PACS2: variants seen among roughly 807,000 people sequenced by gnomAD.
The protein encoded by PACS2 is phosphofurin acidic cluster sorting protein 2.
A neutral mutation model predicts 113.0 loss-of-function variants in PACS2; 36 were observed. That is an observed-to-expected ratio of 0.32 (90% CI 0.24 to 0.42). The LOEUF (loss-of-function observed/expected upper bound fraction) is 0.42. Ranked by LOEUF, PACS2 falls within the 10% of genes least tolerant of loss-of-function variation. The pLI is 1.00. For synonymous variants in PACS2, 589 were observed against 536.1 expected (o/e 1.10, Z -1.36); for missense variants, 1,015 against 1,239.5 (o/e 0.82, Z 2.72).
chr14:105,356,102 TC>T lies in PACS2; in HGVS notation c.423+930del, dbSNP rs1485790975. 6.6e-6 allele frequency among the ~76,000 whole-genome samples: 1 copy of T among 152,028 alleles called. No individual in the cohort carries two copies. The highest frequency in any genetic ancestry group is 1.5e-5 in the Non-Finnish European group (1 of 67,992). On this transcript the variant is annotated intron_variant, in intron 4 of 24. Coordinates refer to ENST00000447393, the MANE Select transcript of PACS2 (RefSeq NM_001100913.3). This position sits in a 1 kb window ranked among gnomAD's most constrained non-coding sequence, Gnocchi z 4.0. ...CCCAGCCCCTCTTCTTCCCACTTTG[TC>T]CCCCTGCTCCTGGGGCTTGGGGCTG...
intron 6 of PACS2, 116 bp from the exon 7 acceptor site, chr14:105,368,343 G>A (rs1365012274): frequency 2.2e-6 from 2 of 892,536 alleles, no homozygotes; most frequent in East Asian, 2.4e-5. Context: ...GAGAGTCTTG[G>A]GACACAGGTG....
chr14:105,342,859 C>T (rs1201334980), intron 1 of PACS2, among the ~76,000 whole-genome samples: 1 of 150,596 alleles, frequency 6.6e-6, no homozygotes, highest in Non-Finnish European at 1.5e-5. Flanking sequence ...TGCTTGAACC[C>T]GGGAGGCGGA....
chr14:105,312,576 C>T (rs992378917), upstream of PACS2, among the ~76,000 whole-genome samples: 2 of 152,246 alleles, frequency 1.3e-5, no homozygotes, highest in African/African-American at 4.8e-5. Context: ...CACACCATGC[C>T]AGGGTCATAG....
chr14:105,358,571 A>G lies in PACS2; in HGVS notation c.423+3394A>G, dbSNP rs1282814048. On this transcript the variant is annotated intron_variant, in intron 4 of 24. Coordinates refer to ENST00000447393, the MANE Select transcript of PACS2 (RefSeq NM_001100913.3). The surrounding 1 kb of genome is among the most constrained non-coding windows in gnomAD (Gnocchi z 4.9). ...GACGCAGGCATGCCAGCTGGTGGCC[A>G]TTGTCTGAGGCTGGGGCCTGTGGGC... Among the ~76,000 whole-genome samples, 4 of 152,158 alleles carry G rather than the reference A, an allele frequency of 2.6e-5. No individual in the cohort carries two copies. The highest frequency in any genetic ancestry group is 7.2e-5 in the African/African-American group (3 of 41,442).
intron 1 of PACS2, among the ~76,000 whole-genome samples, chr14:105,344,341 C>T (rs1555402178): frequency 1.3e-5 from 2 of 151,888 alleles, no homozygotes; most frequent in South Asian, 2.1e-4. Context: ...CCCAGGCTGG[C>T]GTGCAGTGAT....
intron 4 of PACS2, among the ~76,000 whole-genome samples, chr14:105,359,008 C>T (rs1005342615): frequency 2.0e-5 from 3 of 152,218 alleles, no homozygotes; most frequent in African/African-American, 4.8e-5. Context: ...GCCATCGTAA[C>T]ACCATAGCAC....
chr14:105,304,536 C>T (rs587691076), intron 1 of PACS2, among the ~76,000 whole-genome samples: 1 of 152,200 alleles, frequency 6.6e-6, no homozygotes, highest in East Asian at 1.9e-4. Flanking sequence ...GGGTGAGGCT[C>T]TACTGGGCAA....
intron 1 of PACS2, among the ~76,000 whole-genome samples, chr14:105,339,431 C>G (rs918825174): frequency 3.3e-5 from 5 of 151,208 alleles, no homozygotes. Context: ...GGCTTGAACC[C>G]GGGGGCAGAG....
intron 3 of PACS2, among the ~76,000 whole-genome samples, chr14:105,352,744 GGC>G: frequency 7.1e-6 from 1 of 141,768 alleles, no homozygotes; most frequent in Non-Finnish European, 1.5e-5. Flanking sequence ...TGGGGTGACG[GGC>G]ACCCCCATCA....
chr14:105,391,139 C>A, intron 20 of PACS2, 68 bp from the exon 21 acceptor site: 1 of 1,260,218 alleles, frequency 7.9e-7, no homozygotes, highest in Non-Finnish European at 1.2e-6. Context: ...AGGCGGGAGC[C>A]CCACTGGGAG....
Position 105,315,921 on chromosome 14 carries a change from G to T in PACS2, c.119+884G>T, listed in dbSNP as rs1157838497. On this transcript the variant is annotated intron_variant, in intron 1 of 24. Coordinates refer to ENST00000447393, the MANE Select transcript of PACS2 (RefSeq NM_001100913.3). The surrounding 1 kb of genome is among the most constrained non-coding windows in gnomAD (Gnocchi z 4.4). Reference sequence around the variant, plus strand: ...GTTGGGGGTAGTGAGAGTTCTCCCTGGGGAGATGGGAGGGTGAGCGGACCT... The same window carrying T: ...GTTGGGGGTAGTGAGAGTTCTCCCTTGGGAGATGGGAGGGTGAGCGGACCT... Among the ~76,000 whole-genome samples, 2 of 152,262 alleles carry T rather than the reference G, an allele frequency of 1.3e-5. No homozygotes were observed. Among genetic ancestry groups the T allele is most frequent in the Non-Finnish European group, 2.9e-5 (2 of 68,054 alleles).
In PACS2 at chr14:105,376,716, G is replaced by A; in HGVS notation, c.802-52G>A. On this transcript the variant is annotated intron_variant, in intron 8 of 24. Transcript: ENST00000447393. This position sits in a 1 kb window ranked among gnomAD's most constrained non-coding sequence, Gnocchi z 4.7. ...CTCTGGGGTCTCGGGCGCCCCCAGT[G>A]GGGCAATGTGGGCTGCTGCAGGGAA... 1 of 1,585,164 alleles carries A rather than the reference G, an allele frequency of 6.3e-7. No homozygotes were observed. The highest frequency in any genetic ancestry group is 1.1e-5 in the South Asian group (1 of 89,292).
chr14:105,391,875 GTC>G, intron 22 of PACS2, 109 bp downstream of exon 22: 1 of 1,185,200 alleles, frequency 8.4e-7, no homozygotes, highest in Non-Finnish European at 1.2e-6. Context: ...CACCTGGCCT[GTC>G]AGCCACGAAG....
At chr14:105,380,217 G>A in intron 11 of PACS2, 63 bp downstream of exon 11, 3 of 1,392,326 alleles carry the variant, frequency 2.2e-6, no homozygotes, top group Non-Finnish European at 3.0e-6. Flanking sequence ...CTGCCTTTAA[G>A]GGTCTGACCT....
intron 19 of PACS2, chr14:105,388,945 A>T (rs2081267813): frequency 6.6e-6 from 1 of 152,616 alleles, no homozygotes; most frequent in Non-Finnish European, 1.5e-5. Context: ...ACCACTCAGG[A>T]TAGGCCCTGC....
intron 21 of PACS2, 21 bp from the exon 22 acceptor site, chr14:105,391,610 C>T: frequency 6.2e-7 from 1 of 1,603,044 alleles, no homozygotes. Context: ...GCTCAGCCTG[C>T]CCTGTGACTC....
chr14:105,380,670 C>T lies in PACS2; in HGVS notation c.1126-287C>T, dbSNP rs781984244. On this transcript the variant is annotated intron_variant, in intron 11 of 24. Transcript: ENST00000447393. Reference sequence around the variant, plus strand: ...ATGGCACCCAGGAACGCCTGGTTCCCCCCTGCTGCGTTGCATGGGGTCTCC... The same window carrying T: ...ATGGCACCCAGGAACGCCTGGTTCCTCCCTGCTGCGTTGCATGGGGTCTCC... Among the ~76,000 whole-genome samples the T allele has an allele frequency of 7.3e-4, 111 of 152,334 alleles. 1 individual carries two copies. In the Middle Eastern group the frequency reaches 0.031, roughly 42 times the overall value.
intron 8 of PACS2, among the ~76,000 whole-genome samples, chr14:105,373,391 G>A (rs1301339416): frequency 6.6e-6 from 1 of 152,240 alleles, no homozygotes; most frequent in Non-Finnish European, 1.5e-5. Context: ...TGGAATGGAG[G>A]TGATAGTCCA....
chr14:105,342,230 C>CTGTGTGTGTGTG (rs373390359), intron 1 of PACS2, among the ~76,000 whole-genome samples: 9 of 140,340 alleles, frequency 6.4e-5, no homozygotes, highest in African/African-American at 2.4e-4. Context: ...AAGCTGCTGC[C>CTGTGTGTGTGTG]TGTGTGTGTG....
Sources: allele counts gnomAD v4.1 joint callset (sites outside exome capture counted in the v4.1 genomes callset), GRCh38; gene constraint gnomAD v4.1.1; non-coding constraint Gnocchi (gnomAD v3.1); transcripts MANE v1.5; gene names NCBI Gene and HGNC (gene_info 2026-07-23, HGNC 2026-07-21).